EYS: variants seen among roughly 807,000 people sequenced by gnomAD.
EYS encodes EGF-like photoreceptor maintenance factor.
A neutral mutation model predicts 282.1 loss-of-function variants in EYS; 250 were observed. The ratio of observed to expected loss-of-function variants is 0.89; its 90% CI spans 0.80 to 0.98. The LOEUF (loss-of-function observed/expected upper bound fraction) is 0.98, where lower values mean the gene tolerates loss of function less well. Among genes scored for constraint, EYS ranks in the 50% least tolerant of loss-of-function variants. The pLI is 0.00. For synonymous variants in EYS, 1,355 were observed against 1,282.9 expected, an observed-to-expected ratio of 1.06 and a Z score of -1.20; for missense variants, 4,016 against 3,709.0, an observed-to-expected ratio of 1.08 and a Z score of -2.15.
chr6:64,082,874 C>T, intron 31 of EYS, among the ~76,000 whole-genome samples: 1 of 149,940 alleles, frequency 6.7e-6, no homozygotes, highest in African/African-American at 2.5e-5. Flanking sequence ...AATGCAACTT[C>T]TTTAACATTT....
At chr6:65,388,576 T>A in intron 7 of EYS, among the ~76,000 whole-genome samples, 1 of 151,870 alleles carries the variant, frequency 6.6e-6, no homozygotes, top group East Asian at 1.9e-4. Flanking sequence ...ATACCAAGGA[T>A]TGAAGCAAGA....
intron 13 of EYS, among the ~76,000 whole-genome samples, chr6:65,006,828 T>A (rs908047797): frequency 6.6e-6 from 1 of 152,182 alleles, no homozygotes; most frequent in East Asian, 1.9e-4. Context: ...TCCTCAAAGG[T>A]GCAAACTGTT....
intron 9 of EYS, among the ~76,000 whole-genome samples, chr6:65,347,211 A>G (rs1344901193): frequency 6.6e-6 from 1 of 151,806 alleles, no homozygotes; most frequent in African/African-American, 2.4e-5. Flanking sequence ...AAAATTATAT[A>G]CTTACAGTGT....
rs62407678 is a variant in EYS, at chr6:65,435,878, C to T, written c.863-30511G>A. Among the ~76,000 whole-genome samples, 1,474 of 152,156 alleles carry T rather than the reference C, an allele frequency of 9.7e-3. 50 individuals are homozygous for T. Among genetic ancestry groups the T allele is most frequent in the South Asian group, 0.091 (436 of 4,814 alleles). ...AGGACATAGAGGCACAGAGGGAAGA[C>T]CATGTGAGGACACAAGATGGCCATT... On this transcript the variant is annotated intron_variant, in intron 5 of 42. Transcript: ENST00000503581.
chr6:64,539,578 C>T (rs1764634180), intron 26 of EYS, among the ~76,000 whole-genome samples: 2 of 151,858 alleles, frequency 1.3e-5, no homozygotes, highest in South Asian at 4.2e-4. Context: ...CTTAAAGAAG[C>T]CAGAAAAACA....
At chr6:65,706,577 A>C (rs1008772672) in intron 1 of EYS, among the ~76,000 whole-genome samples, 23 of 152,158 alleles carry the variant, frequency 1.5e-4, no homozygotes, top group African/African-American at 5.3e-4. Context: ...AGAAAACTTA[A>C]ACAACCACGT....
intron 12 of EYS, among the ~76,000 whole-genome samples, chr6:65,080,406 C>A (rs1581891601): frequency 6.6e-6 from 1 of 152,104 alleles, no homozygotes; most frequent in East Asian, 1.9e-4. Context: ...TTATTTCCAT[C>A]AATTTTGGTT....
At chr6:64,104,374 G>A (rs190437490) in intron 31 of EYS, among the ~76,000 whole-genome samples, 80 of 152,246 alleles carry the variant, frequency 5.3e-4, no homozygotes, top group African/African-American at 1.8e-3. Flanking sequence ...GAGTGTGTGT[G>A]TGTGTTTGCT....
At chr6:65,637,903 A>G (rs540318692) in intron 2 of EYS, among the ~76,000 whole-genome samples, 2 of 152,256 alleles carry the variant, frequency 1.3e-5, no homozygotes, top group East Asian at 3.9e-4. Flanking sequence ...CAGCATGTTG[A>G]TGGTGGCAAG....
At chr6:64,836,939 G>A (rs964311178) in intron 19 of EYS, among the ~76,000 whole-genome samples, 2 of 151,634 alleles carry the variant, frequency 1.3e-5, no homozygotes, top group Admixed American at 1.3e-4. Flanking sequence ...ATTAATTATA[G>A]TATAGCCTCA....
At chr6:64,661,060 C>G (rs997776965) in intron 22 of EYS, among the ~76,000 whole-genome samples, 1 of 152,210 alleles carries the variant, frequency 6.6e-6, no homozygotes, top group African/African-American at 2.4e-5. Flanking sequence ...TGGAACAGAA[C>G]AGAGCCCTCA....
chr6:65,675,591 C>A (rs752933233), intron 1 of EYS, among the ~76,000 whole-genome samples: 2 of 151,692 alleles, frequency 1.3e-5, no homozygotes, highest in Non-Finnish European at 2.9e-5. Flanking sequence ...GCACATAGCA[C>A]CCAAATATGT....
chr6:65,029,298 C>T (rs149240334), intron 13 of EYS, among the ~76,000 whole-genome samples: 1 of 151,686 alleles, frequency 6.6e-6, no homozygotes, highest in African/African-American at 2.4e-5. Flanking sequence ...GAAATATGTG[C>T]ATGTGTGGGT....
chr6:63,758,981 C>T lies in EYS; in HGVS notation c.8071+3480G>A, dbSNP rs543788654. 2.6e-4 allele frequency among the ~76,000 whole-genome samples: 40 copies of T among 152,016 alleles called. 1 individual carries two copies. The South Asian group carries it at 5.2e-3, about 20-fold the overall frequency. The stretch of plus-strand genomic sequence containing the variant: ...ACTATTTTTGTCTGCCTTCCTAGAA[C>T]GGGGGGCAGGGTATTTATGACTCAG... On this transcript the variant is annotated intron_variant, in intron 41 of 42. Transcript: ENST00000503581.
intron 36 of EYS, among the ~76,000 whole-genome samples, chr6:63,840,288 T>A (rs1213018124): frequency 6.6e-6 from 1 of 151,560 alleles, no homozygotes; most frequent in Non-Finnish European, 1.5e-5. Flanking sequence ...ATGGTCTCCA[T>A]CTCTTGACCT....
intron 32 of EYS, among the ~76,000 whole-genome samples, chr6:64,075,674 T>C (rs1001409056): frequency 6.6e-6 from 1 of 151,918 alleles, no homozygotes; most frequent in Admixed American, 6.6e-5. Flanking sequence ...CAGACAAAAA[T>C]CTTGCATCTT....
chr6:65,477,140 T>C (rs920453449), intron 5 of EYS, among the ~76,000 whole-genome samples: 29 of 151,878 alleles, frequency 1.9e-4, no homozygotes, highest in Admixed American at 6.6e-4. Flanking sequence ...AGAGAAAAGG[T>C]AAAATGCCTT....
intron 26 of EYS, among the ~76,000 whole-genome samples, chr6:64,557,217 TAC>T (rs3994994): frequency 0.021 from 3,050 of 147,998 alleles, 37 homozygotes; most frequent in Middle Eastern, 0.073. Context: ...CACACACACA[TAC>T]ACACACACAC....
chr6:64,265,817 C>CA (rs1327547243), intron 30 of EYS, among the ~76,000 whole-genome samples: 1 of 151,858 alleles, frequency 6.6e-6, no homozygotes, highest in Non-Finnish European at 1.5e-5. Context: ...ATGTATTTTC[C>CA]AAAAAATAAC....
Sources: gnomAD v4.1 joint callset for allele counts (sites outside exome capture counted in the v4.1 genomes callset) on GRCh38, gnomAD v4.1.1 for gene constraint, MANE v1.5 for transcripts, NCBI Gene and HGNC (gene_info 2026-07-23, HGNC 2026-07-21) for gene names.